Variants in PLA2G7 observed in about 807,000 individuals in gnomAD.
The protein encoded by PLA2G7 is phospholipase A2 group VII.
A neutral mutation model predicts 49.6 loss-of-function variants in PLA2G7; 63 were observed. The observed-to-expected ratio is 1.27, with a 90% confidence interval of 1.04 to 1.57. PLA2G7 has a LOEUF of 1.57. PLA2G7 is among the 40% of genes most tolerant of loss of function. PLA2G7 has a pLI of 0.00. For missense variants in PLA2G7, 596 were observed against 521.2 expected, an observed-to-expected ratio of 1.14 and a Z score of -1.40; for synonymous variants, 193 against 169.9, an observed-to-expected ratio of 1.14 and a Z score of -1.06.
At chr6:46,715,260 G>C (rs1386266831) in intron 4 of PLA2G7, among the ~76,000 whole-genome samples, 1 of 152,148 alleles carries the variant, frequency 6.6e-6, no homozygotes, top group East Asian at 1.9e-4. Context: ...CAGAGACTCT[G>C]TTCATTATGA....
Position 46,710,584 on chromosome 6 carries a change from C to T in PLA2G7, c.738G>A (p.Lys246=). ...ILDIDHGKPV[K]NALDLKFDME... is the part of the protein sequence containing the mutation. ...TATCAAACTTTAAATCTAATGCATT[C>T]TTCACTGGCTTTCCATGATCAATGT... The change falls in exon 8 of 12, where the codon AAG becomes AAA. Residue 246 remains lysine, a synonymous_variant. Coordinates refer to ENST00000274793, the MANE Select transcript of PLA2G7 (RefSeq NM_005084.4). 6.2e-7 allele frequency: 1 copy of T among 1,613,254 alleles called. No homozygotes were observed. Among genetic ancestry groups the T allele is most frequent in the East Asian group, 2.2e-5 (1 of 44,862 alleles).
At chr6:46,711,352 A>G (rs1021532029) in intron 7 of PLA2G7, 144 bp downstream of exon 7, 3 of 938,316 alleles carry the variant, frequency 3.2e-6, no homozygotes, top group Non-Finnish European at 5.2e-6. Context: ...TTACTGCTCC[A>G]GGAATCTATT....
intron 3 of PLA2G7, 89 bp downstream of exon 3, chr6:46,716,886 G>T: frequency 7.5e-7 from 1 of 1,339,338 alleles, no homozygotes; most frequent in Non-Finnish European, 1.1e-6. Context: ...CTCAGGTGAG[G>T]GCAAGGTCAC....
At chr6:46,704,755 G>A in intron 11 of PLA2G7, 59 bp from the exon 12 acceptor site, 1 of 1,026,996 alleles carries the variant, frequency 9.7e-7, no homozygotes, top group Non-Finnish European at 1.5e-6. Flanking sequence ...AAACAGTTTG[G>A]TGCCCCTAGG....
At chr6:46,721,198 AC>A in intron 2 of PLA2G7, among the ~76,000 whole-genome samples, 4 of 150,532 alleles carry the variant, frequency 2.7e-5, no homozygotes, top group Middle Eastern at 6.9e-3. Flanking sequence ...GCACCACCAC[AC>A]CCAGCTAATT....
chr6:46,704,997 T>C (rs1219455495), intron 11 of PLA2G7, among the ~76,000 whole-genome samples, 156 bp downstream of exon 11: 1 of 152,186 alleles, frequency 6.6e-6, no homozygotes, highest in Non-Finnish European at 1.5e-5. Flanking sequence ...AGCAGCAAAA[T>C]TGACTTTCTC....
intron 10 of PLA2G7, 74 bp from the exon 11 acceptor site, chr6:46,705,375 A>G (rs1764782563): frequency 1.2e-5 from 15 of 1,214,626 alleles, no homozygotes; most frequent in Admixed American, 5.3e-5. Flanking sequence ...AGTGTAAGAA[A>G]GGTACTGGTC....
chr6:46,705,356 T>A, intron 10 of PLA2G7, 55 bp from the exon 11 acceptor site: 1 of 1,455,752 alleles, frequency 6.9e-7, no homozygotes, highest in Non-Finnish European at 9.6e-7. Flanking sequence ...TTATTATTTT[T>A]TTAGTTAGAG....
intron 1 of PLA2G7, among the ~76,000 whole-genome samples, chr6:46,725,838 G>A (rs1010540408): frequency 1.3e-4 from 20 of 152,146 alleles, no homozygotes; most frequent in Non-Finnish European, 2.4e-4. Flanking sequence ...AGGGGGCCAC[G>A]GGTGGCATTC....
intron 10 of PLA2G7, among the ~76,000 whole-genome samples, chr6:46,705,956 C>T (rs755607139): frequency 1.3e-5 from 2 of 152,172 alleles, no homozygotes; most frequent in East Asian, 1.9e-4. Flanking sequence ...TCCCTTCTGA[C>T]GCTAACCACT....
chr6:46,709,183 A>G, intron 9 of PLA2G7, 144 bp downstream of exon 9: 2 of 620,442 alleles, frequency 3.2e-6, no homozygotes, highest in Non-Finnish European at 5.7e-6. Context: ...ATGTATATAG[A>G]GTATTTTATG....
At chr6:46,728,194 G>A (rs975370533) in intron 1 of PLA2G7, among the ~76,000 whole-genome samples, 6 of 152,164 alleles carry the variant, frequency 3.9e-5, no homozygotes, top group African/African-American at 1.4e-4. Context: ...ATAGGATGAA[G>A]GCTGGAGAAT....
chr6:46,722,675 C>A (rs145170084), intron 2 of PLA2G7, 108 bp downstream of exon 2: 5 of 727,620 alleles, frequency 6.9e-6, no homozygotes, highest in South Asian at 3.0e-5. Flanking sequence ...TCTCCATAAG[C>A]CTTTAAATAG....
At chr6:46,732,055 C>T (rs1219252605) in intron 1 of PLA2G7, among the ~76,000 whole-genome samples, 14 of 152,314 alleles carry the variant, frequency 9.2e-5, no homozygotes, top group Admixed American at 4.6e-4. Flanking sequence ...CTTTTGGCTT[C>T]TCTCATTGTA....
At chr6:46,712,414 C>T in intron 5 of PLA2G7, 77 bp from the exon 6 acceptor site, 1 of 1,067,676 alleles carries the variant, frequency 9.4e-7, no homozygotes, top group South Asian at 1.3e-5. Flanking sequence ...AAACTGGGAA[C>T]ATGGAGGCCA....
chr6:46,719,689 G>A (rs1029713797), intron 2 of PLA2G7, among the ~76,000 whole-genome samples: 23 of 152,142 alleles, frequency 1.5e-4, no homozygotes, highest in East Asian at 7.7e-4. Flanking sequence ...ATCCACATTC[G>A]TAAAATGACA....
chr6:46,706,358 C>G (rs1764827126), intron 10 of PLA2G7, among the ~76,000 whole-genome samples: 1 of 152,160 alleles, frequency 6.6e-6, no homozygotes, highest in African/African-American at 2.4e-5. Flanking sequence ...AGAAGATAAA[C>G]AGCAGGAATA....
At chr6:46,726,386 A>C (rs1343227787) in intron 1 of PLA2G7, among the ~76,000 whole-genome samples, 1 of 152,224 alleles carries the variant, frequency 6.6e-6, no homozygotes, top group Non-Finnish European at 1.5e-5. Flanking sequence ...CACAGGAATA[A>C]TTCATAAGAA....
chr6:46,720,262 G>A (rs2150705132), intron 2 of PLA2G7, among the ~76,000 whole-genome samples: 1 of 152,354 alleles, frequency 6.6e-6, no homozygotes, highest in Admixed American at 6.5e-5. Context: ...AGGCATGGGA[G>A]GGTTTCACCC....
Sources: gnomAD v4.1 joint callset for allele counts (sites outside exome capture counted in the v4.1 genomes callset) on GRCh38, gnomAD v4.1.1 for gene constraint, MANE v1.5 for transcripts, NCBI Gene and HGNC (gene_info 2026-07-23, HGNC 2026-07-21) for gene names.